C19orf47: variants seen among roughly 807,000 people sequenced by gnomAD.
C19orf47 encodes uncharacterized protein C19orf47.
A neutral mutation model predicts 32.3 loss-of-function variants in C19orf47; 18 were observed. The observed-to-expected ratio is 0.56, with a 90% CI of 0.39 to 0.83. The LOEUF (loss-of-function observed/expected upper bound fraction) is 0.83, where lower values mean the gene tolerates loss of function less well. C19orf47 is among the 40% of genes least tolerant of loss of function. C19orf47 has a pLI of 0.00. For missense variants in C19orf47, 484 were observed against 531.6 expected (o/e 0.91, Z 0.88); for synonymous variants, 202 against 211.1 (o/e 0.96, Z 0.37).
At chr19:40,334,923 A>T (rs774427263) in intron 4 of C19orf47, 1 of 148,940 alleles carries the variant, frequency 6.7e-6, no homozygotes, top group Non-Finnish European at 1.5e-5. Flanking sequence ...AAAATAAATA[A>T]TAAACAAGTG....
At chr19:40,303,249 C>A in the C19orf47 span, among the ~76,000 whole-genome samples, 74 of 151,206 alleles carry the variant, frequency 4.9e-4, no homozygotes, top group Non-Finnish European at 8.6e-4. Context: ...ACAGGCCAGG[C>A]GCAGTAGCTC....
intron 2 of C19orf47, among the ~76,000 whole-genome samples, chr19:40,338,426 C>T (rs1233876650): frequency 2.0e-5 from 3 of 151,632 alleles, no homozygotes; most frequent in African/African-American, 7.3e-5. Context: ...CATTCTGTCA[C>T]CCAGACTGGA....
chr19:40,322,820 A>C (rs1173819586), intron 8 of C19orf47, among the ~76,000 whole-genome samples: 1 of 152,194 alleles, frequency 6.6e-6, no homozygotes, highest in African/African-American at 2.4e-5. Flanking sequence ...AGACAGCCTC[A>C]GCGCTGCCCG....
At chr19:40,301,088 G>A in the C19orf47 span, among the ~76,000 whole-genome samples, 6 of 151,968 alleles carry the variant, frequency 3.9e-5, no homozygotes, top group Non-Finnish European at 7.4e-5. Flanking sequence ...GCTTGAGCCC[G>A]GGAGGTGGAG....
chr19:40,331,799 G>A (rs1454262578), intron 5 of C19orf47, among the ~76,000 whole-genome samples: 1 of 152,148 alleles, frequency 6.6e-6, no homozygotes, highest in African/African-American at 2.4e-5. Flanking sequence ...CACTTTGGGG[G>A]GCCAAGGTGG....
chr19:40,314,452 A>G, the C19orf47 span, among the ~76,000 whole-genome samples: 1 of 152,126 alleles, frequency 6.6e-6, no homozygotes, highest in African/African-American at 2.4e-5. Context: ...TGGGAGTATA[A>G]CAAGTCAAAG....
At chr19:40,323,918 G>A in intron 8 of C19orf47, 88 bp downstream of exon 8, 2 of 1,517,578 alleles carry the variant, frequency 1.3e-6, no homozygotes, top group South Asian at 2.2e-5. Flanking sequence ...TGGGCCGAGT[G>A]AGGTTGAGAT....
At chr19:40,348,138 C>T (rs1232293921) in intron 1 of C19orf47, among the ~76,000 whole-genome samples, 186 bp downstream of exon 1, 1 of 152,228 alleles carries the variant, frequency 6.6e-6, no homozygotes, top group African/African-American at 2.4e-5. Flanking sequence ...TTCTCACTCC[C>T]ATTTATAAAG....
In C19orf47 at chr19:40,336,167, C is replaced by G; in HGVS notation, c.165G>C (p.Val55=). 6.2e-7 allele frequency: 1 copy of G among 1,614,224 alleles called. No individual in the cohort carries two copies. Among genetic ancestry groups the G allele is most frequent in the Non-Finnish European group, 8.5e-7 (1 of 1,180,028 alleles). Residue 55 remains valine (V), a synonymous_variant, in exon 4 of 9, where the codon GTG becomes GTC. Transcript: ENST00000683109. ...LNKEIMNELG[V]TVVGDIIAIL... is the part of the protein sequence containing the mutation. ...TGGCGATGATGTCACCCACCACGGT[C>G]ACGCCCAGCTCATTCATTATCTCCT... is the stretch of plus-strand genomic sequence containing the variant.
chr19:40,333,780 G>A lies in C19orf47; in HGVS notation c.301+71C>T, dbSNP rs1307935769. 2.4e-6 allele frequency: 3 copies of A among 1,250,058 alleles called. No homozygotes were observed. In the African/African-American group the frequency reaches 4.6e-5, roughly 19 times the overall value. The allele number at this position is 1,250,058 out of a possible 1,614,324, so 77.4% of individuals were successfully genotyped here. ...TGAAAATTACAGGCGGGGATGGGAT[G>A]GCCAGACGTGTCCCCTTCACTGACA... is the stretch of plus-strand genomic sequence containing the variant. On this transcript the variant is annotated intron_variant, in intron 5 of 8. Coordinates refer to ENST00000683109, the MANE Select transcript of C19orf47 (RefSeq NM_001256441.2).
intron 7 of C19orf47, among the ~76,000 whole-genome samples, chr19:40,325,521 G>A (rs975862656): frequency 6.6e-6 from 1 of 152,048 alleles, no homozygotes; most frequent in African/African-American, 2.4e-5. Context: ...CCAGCTACTC[G>A]GGAGGCTGAG....
chr19:40,304,942 G>A, the C19orf47 span, among the ~76,000 whole-genome samples: 1 of 152,076 alleles, frequency 6.6e-6, no homozygotes, highest in Non-Finnish European at 1.5e-5. Context: ...TCTGTTTACC[G>A]AGTTGGCCAG....
intron 2 of C19orf47, among the ~76,000 whole-genome samples, chr19:40,339,963 G>A (rs1353328238): frequency 2.9e-4 from 31 of 108,424 alleles, no homozygotes; most frequent in African/African-American, 9.9e-4. Context: ...CAACAAAAGC[G>A]AAACTCCATC....
downstream of C19orf47, among the ~76,000 whole-genome samples, chr19:40,319,372 T>C (rs925624170): frequency 1.5e-4 from 23 of 151,876 alleles, no homozygotes; most frequent in African/African-American, 5.3e-4. Flanking sequence ...ACGGATGAGA[T>C]CTAGTCTCAT....
chr19:40,300,801 A>G, the C19orf47 span, among the ~76,000 whole-genome samples: 3 of 152,326 alleles, frequency 2.0e-5, no homozygotes, highest in South Asian at 2.1e-4. Flanking sequence ...ACTTATGATT[A>G]TAACATTGGA....
chr19:40,333,851 C>A lies in C19orf47; in HGVS notation c.301G>T (p.Ala101Ser). ...AGAGGCCTGAATAGTTAGGACTCAC[C>A]ACTGGTGCCACGGCGAATTTCGCCT... ...LAGEIRRGTS[A>S]ASRMITNSLN... The change falls in exon 5 of 9, where the codon GCT (alanine) becomes TCT (serine). Residue 101 changes from alanine (A) to serine (S), a missense_variant and splice_region_variant. Coordinates refer to ENST00000683109, the MANE Select transcript of C19orf47 (RefSeq NM_001256441.2). 1.3e-6 allele frequency: 2 copies of A among 1,568,554 alleles called. No individual in the cohort carries two copies. Among genetic ancestry groups the A allele is most frequent in the East Asian group, 2.3e-5 (1 of 43,186 alleles).
intron 8 of C19orf47, among the ~76,000 whole-genome samples, chr19:40,323,046 T>C (rs1485153673): frequency 6.6e-6 from 1 of 152,248 alleles, no homozygotes; most frequent in Non-Finnish European, 1.5e-5. Flanking sequence ...GAGTATGTGC[T>C]ATGCCCTGAA....
At chr19:40,311,293 C>T in the C19orf47 span, among the ~76,000 whole-genome samples, 3 of 151,852 alleles carry the variant, frequency 2.0e-5, no homozygotes, top group South Asian at 2.1e-4. Context: ...GCAGGAGAAT[C>T]GCTTGAACCC....
the C19orf47 span, among the ~76,000 whole-genome samples, chr19:40,312,419 C>T: frequency 2.6e-5 from 4 of 152,174 alleles, no homozygotes; most frequent in Non-Finnish European, 5.9e-5. Context: ...GTGGCGGGCG[C>T]CTGTAGTCCC....
Sources: allele counts gnomAD v4.1 joint callset (sites outside exome capture counted in the v4.1 genomes callset), GRCh38; gene constraint gnomAD v4.1.1; transcripts MANE v1.5; gene names NCBI Gene and HGNC (gene_info 2026-07-23, HGNC 2026-07-21).